Variants in CAMTA1 observed in about 807,000 individuals in gnomAD.
CAMTA1 encodes the protein calmodulin-binding transcription activator 1.
Under a neutral mutation model 170.9 loss-of-function variants are expected in CAMTA1, and 27 were observed. The observed-to-expected ratio is 0.16, with a 90% CI of 0.12 to 0.22. CAMTA1 has a LOEUF of 0.22. Ranked by LOEUF, CAMTA1 falls within the 10% of genes least tolerant of loss-of-function variation. The probability of loss-of-function intolerance (pLI) is 1.00; values close to 1 mark genes in which losing one functional copy is unlikely to be tolerated. For synonymous variants in CAMTA1, 833 were observed against 891.5 expected (o/e 0.93, Z 1.17); for missense variants, 1,619 against 2,217.2 (o/e 0.73, Z 5.42).
intron 5 of CAMTA1, among the ~76,000 whole-genome samples, chr1:7,457,419 G>A (rs1000888299): frequency 6.6e-5 from 10 of 152,072 alleles, no homozygotes; most frequent in Admixed American, 1.3e-4. Flanking sequence ...AAGGAGCTCA[G>A]GTGAGGGGAG....
chr1:7,137,900 G>A (rs950222911), intron 4 of CAMTA1, among the ~76,000 whole-genome samples: 1 of 152,186 alleles, frequency 6.6e-6, no homozygotes, highest in Non-Finnish European at 1.5e-5. Context: ...ATATCGGGCA[G>A]GTATGTGGAT....
intron 5 of CAMTA1, among the ~76,000 whole-genome samples, chr1:7,454,222 C>A (rs1295019359): frequency 6.6e-6 from 1 of 152,222 alleles, no homozygotes; most frequent in Non-Finnish European, 1.5e-5. Context: ...GGCGACCTCG[C>A]CTCACACTTC....
intron 3 of CAMTA1, among the ~76,000 whole-genome samples, chr1:6,899,554 G>GCACACACACACACA (rs70984034): frequency 3.0e-4 from 42 of 141,174 alleles, no homozygotes; most frequent in South Asian, 1.1e-3. Flanking sequence ...ACGCGCGCGC[G>GCACACACACACACA]CACACACACA....
intron 4 of CAMTA1, among the ~76,000 whole-genome samples, chr1:7,217,473 T>A (rs1179542724): frequency 6.6e-6 from 1 of 152,194 alleles, no homozygotes; most frequent in East Asian, 1.9e-4. Flanking sequence ...TAAGCCAAAT[T>A]GAAAATTTTT....
intron 5 of CAMTA1, among the ~76,000 whole-genome samples, chr1:7,416,549 C>T (rs1575197833): frequency 6.6e-6 from 1 of 152,314 alleles, no homozygotes; most frequent in East Asian, 1.9e-4. Flanking sequence ...CAGTTGATTG[C>T]ATTGGCTCCT....
intron 4 of CAMTA1, among the ~76,000 whole-genome samples, chr1:7,246,575 T>C (rs371675368): frequency 2.7e-4 from 41 of 151,714 alleles, no homozygotes; most frequent in African/African-American, 9.0e-4. Flanking sequence ...CTCCCCTGAC[T>C]GGGCCCTGTG....
chr1:7,228,974 A>C (rs1574044032), intron 4 of CAMTA1, among the ~76,000 whole-genome samples: 1 of 152,026 alleles, frequency 6.6e-6, no homozygotes, highest in African/African-American at 2.4e-5. Context: ...GCCCAGGGGG[A>C]GGGCTCTGCA....
chr1:7,373,239 G>A (rs894685526), intron 5 of CAMTA1, among the ~76,000 whole-genome samples: 17 of 152,288 alleles, frequency 1.1e-4, no homozygotes, highest in East Asian at 9.6e-4. Flanking sequence ...GTAGTACCCC[G>A]TCTCTGCCAG....
chr1:7,609,957 A>G lies in CAMTA1; in HGVS notation c.511-30443A>G, dbSNP rs1000651789. Among the ~76,000 whole-genome samples the G allele has an allele frequency of 6.6e-6, 1 of 152,162 alleles. No individual in the cohort carries two copies. The highest frequency in any genetic ancestry group is 1.5e-5 in the Non-Finnish European group (1 of 68,020). On this transcript the variant is annotated intron_variant, in intron 6 of 22. Coordinates refer to ENST00000303635, the MANE Select transcript of CAMTA1 (RefSeq NM_015215.4). This position sits in a 1 kb window ranked among gnomAD's most constrained non-coding sequence, Gnocchi z 4.4. ...GAGAGGGTAAACTGTGGGGTCTCCA[A>G]GTCTCTTTACCTGAAATACAGCACC...
At chr1:7,755,064 G>A (rs758383436) in intron 21 of CAMTA1, among the ~76,000 whole-genome samples, 2 of 152,042 alleles carry the variant, frequency 1.3e-5, no homozygotes, top group African/African-American at 2.4e-5. Flanking sequence ...GGTGGCTCAC[G>A]CCTGTAATCT....
chr1:7,148,351 A>G (rs562198265), intron 4 of CAMTA1, among the ~76,000 whole-genome samples: 9 of 151,772 alleles, frequency 5.9e-5, no homozygotes, highest in Non-Finnish European at 1.2e-4. Flanking sequence ...TCAAACATAC[A>G]CTACCCACAC....
chr1:7,001,563 G>A (rs927579506), intron 3 of CAMTA1, among the ~76,000 whole-genome samples: 40 of 152,326 alleles, frequency 2.6e-4, no homozygotes, highest in African/African-American at 9.1e-4. Flanking sequence ...TCATCCATGA[G>A]GGCGTTTCTG....
chr1:7,430,224 GTGATGA>G (rs58109253), intron 5 of CAMTA1, among the ~76,000 whole-genome samples: 3,022 of 151,976 alleles, frequency 0.02, 91 homozygotes, highest in African/African-American at 0.069. Context: ...GATTATGGTG[GTGATGA>G]TGATGATGGT....
At chr1:7,471,255 C>A (rs74053019) in intron 6 of CAMTA1, among the ~76,000 whole-genome samples, 42 of 152,352 alleles carry the variant, frequency 2.8e-4, no homozygotes, top group African/African-American at 7.5e-4. Flanking sequence ...CCATTGCTGA[C>A]AAATATTCTA....
At chr1:6,845,987 C>T (rs190117897) in intron 3 of CAMTA1, among the ~76,000 whole-genome samples, 13 of 152,252 alleles carry the variant, frequency 8.5e-5, no homozygotes, top group Non-Finnish European at 1.2e-4. Flanking sequence ...ACATGGCAGA[C>T]GAGAGAATGT....
At chr1:7,687,575 G>A (rs549689437) in intron 11 of CAMTA1, among the ~76,000 whole-genome samples, 105 of 152,256 alleles carry the variant, frequency 6.9e-4, no homozygotes, top group African/African-American at 2.4e-3. Flanking sequence ...CCAGGAGATC[G>A]CGTGCCTCCC....
At chr1:7,765,763 C>T (rs1196846016) in intron 22 of CAMTA1, among the ~76,000 whole-genome samples, 3 of 152,164 alleles carry the variant, frequency 2.0e-5, no homozygotes, top group Non-Finnish European at 4.4e-5. Context: ...CGCGGTGGCT[C>T]ACGCCTGTAA....
At chr1:7,374,056 C>G (rs1162905875) in intron 5 of CAMTA1, among the ~76,000 whole-genome samples, 1 of 152,186 alleles carries the variant, frequency 6.6e-6, no homozygotes, top group Admixed American at 6.5e-5. Flanking sequence ...CCAGAGCCTG[C>G]CTCCCCGCCT....
chr1:6,913,802 G>A (rs1481387420), intron 3 of CAMTA1, among the ~76,000 whole-genome samples: 7 of 151,914 alleles, frequency 4.6e-5, no homozygotes. Context: ...GGCAGAGTAG[G>A]ATGTTTGAAA....
Sources: allele counts gnomAD v4.1 joint callset (sites outside exome capture counted in the v4.1 genomes callset), GRCh38; gene constraint gnomAD v4.1.1; non-coding constraint Gnocchi (gnomAD v3.1); transcripts MANE v1.5; gene names NCBI Gene and HGNC (gene_info 2026-07-23, HGNC 2026-07-21).